Variants in ARL15 observed in about 807,000 individuals in gnomAD.
The protein encoded by ARL15 is ADP-ribosylation factor-like protein 15.
Under a neutral mutation model 25.2 loss-of-function variants are expected in ARL15, and 19 were observed. The observed-to-expected ratio is 0.75, with a 90% CI of 0.53 to 1.10. The LOEUF (loss-of-function observed/expected upper bound fraction) is 1.10. Among genes scored for constraint, ARL15 ranks in the 50% least tolerant of loss-of-function variants. ARL15 has a pLI of 0.00. For missense variants in ARL15, 220 were observed against 246.0 expected, an observed-to-expected ratio of 0.89 and a Z score of 0.71; for synonymous variants, 94 against 86.8, an observed-to-expected ratio of 1.08 and a Z score of -0.46.
Position 53,918,762 on chromosome 5 carries a change from GTC to G in ARL15, c.463-32051_463-32050del, listed in dbSNP as rs147517455. Reference sequence around the variant, plus strand: ...GACAGTTAGCAAATGAAATAAAAGAGTCTGAGTATCTGGAAGCAAAAGAGAGG... The same window carrying G: ...GACAGTTAGCAAATGAAATAAAAGAGTGAGTATCTGGAAGCAAAAGAGAGG... On this transcript the variant is annotated intron_variant, in intron 4 of 4. Coordinates refer to ENST00000504924, the MANE Select transcript of ARL15 (RefSeq NM_019087.3). Among the ~76,000 whole-genome samples the G allele has an allele frequency of 7.9e-3, 1,200 of 151,944 alleles. 21 individuals are homozygous for G. Among genetic ancestry groups the G allele is most frequent in the African/African-American group, 0.028 (1,167 of 41,416 alleles).
At chr5:53,888,630 C>T (rs1744620288) in intron 4 of ARL15, among the ~76,000 whole-genome samples, 1 of 152,160 alleles carries the variant, frequency 6.6e-6, no homozygotes, top group Admixed American at 6.5e-5. Context: ...ATTCTTTTAG[C>T]TTGTTTTCTT....
rs1412745342 is a variant in ARL15, at chr5:54,081,589, C to T, written c.462+31613G>A. 2.6e-5 allele frequency among the ~76,000 whole-genome samples: 4 copies of T among 152,024 alleles called. No homozygotes were observed. The East Asian group carries it at 7.7e-4, about 29-fold the overall frequency. Reference sequence around the variant, plus strand: ...CATGCTCTTCTGGTAATAGTGAGTTCCCATGAGATCTGATGGTATTATAAA... The same window carrying T: ...CATGCTCTTCTGGTAATAGTGAGTTTCCATGAGATCTGATGGTATTATAAA... On this transcript the variant is annotated intron_variant, in intron 4 of 4. Transcript: ENST00000504924.
chr5:53,977,357 A>G (rs1747972002), intron 4 of ARL15, among the ~76,000 whole-genome samples: 3 of 140,506 alleles, frequency 2.1e-5, no homozygotes, highest in Admixed American at 2.1e-4. Context: ...TCCGCCTCAA[A>G]AAAAAAAAAA....
At chr5:54,255,337 C>T (rs532366621) in intron 1 of ARL15, among the ~76,000 whole-genome samples, 14 of 151,794 alleles carry the variant, frequency 9.2e-5, no homozygotes, top group African/African-American at 3.1e-4. Context: ...AAATAAAAAA[C>T]AAAGGAGAAT....
At chr5:53,946,736 A>C (rs1363167275) in intron 4 of ARL15, among the ~76,000 whole-genome samples, 1 of 152,178 alleles carries the variant, frequency 6.6e-6, no homozygotes, top group South Asian at 2.1e-4. Flanking sequence ...AAATGGATCT[A>C]AGCTAGCATT....
At chr5:54,177,700 T>C (rs1208680736) in intron 1 of ARL15, among the ~76,000 whole-genome samples, 1 of 152,204 alleles carries the variant, frequency 6.6e-6, no homozygotes, top group Non-Finnish European at 1.5e-5. Context: ...CATTTTCCTC[T>C]ATATTTCTAC....
intron 1 of ARL15, among the ~76,000 whole-genome samples, chr5:54,238,110 C>T (rs1437849931): frequency 6.6e-6 from 1 of 152,118 alleles, no homozygotes; most frequent in African/African-American, 2.4e-5. Flanking sequence ...CACTAACTCC[C>T]CAACATCCTT....
At chr5:54,220,242 C>T (rs1037160302) in intron 1 of ARL15, among the ~76,000 whole-genome samples, 3 of 152,098 alleles carry the variant, frequency 2.0e-5, no homozygotes, top group Admixed American at 6.6e-5. Flanking sequence ...AAATACTTTA[C>T]CATAAAGATC....
intron 1 of ARL15, among the ~76,000 whole-genome samples, chr5:54,192,469 CT>C: frequency 6.6e-6 from 1 of 151,850 alleles, no homozygotes; most frequent in Admixed American, 6.6e-5. Flanking sequence ...ATTTCCTAAC[CT>C]TTTATCATTG....
intron 1 of ARL15, among the ~76,000 whole-genome samples, chr5:54,272,205 G>T (rs1757805209): frequency 7.4e-6 from 1 of 134,432 alleles, no homozygotes; most frequent in South Asian, 2.3e-4. Flanking sequence ...CTCCTGCCTT[G>T]GCTTCCCAAA....
chr5:53,893,345 G>A (rs1386919281), intron 4 of ARL15, among the ~76,000 whole-genome samples: 1 of 147,564 alleles, frequency 6.8e-6, no homozygotes, highest in Non-Finnish European at 1.5e-5. Flanking sequence ...GGTGGCTCAC[G>A]CCTGTAATCC....
chr5:54,064,214 G>C (rs1238025225), intron 4 of ARL15, among the ~76,000 whole-genome samples: 1 of 151,200 alleles, frequency 6.6e-6, no homozygotes, highest in Non-Finnish European at 1.5e-5. Flanking sequence ...AGTAAAAAAA[G>C]AGTCACGAGT....
At chr5:53,897,529 C>A (rs987137472) in intron 4 of ARL15, among the ~76,000 whole-genome samples, 1 of 152,128 alleles carries the variant, frequency 6.6e-6, no homozygotes, top group African/African-American at 2.4e-5. Flanking sequence ...AATAATGCTG[C>A]TTTTTATGAG....
At chr5:54,108,600 T>C (rs947625163) in intron 4 of ARL15, among the ~76,000 whole-genome samples, 8 of 152,078 alleles carry the variant, frequency 5.3e-5, no homozygotes, top group Non-Finnish European at 1.0e-4. Context: ...ATTTGTCACA[T>C]GAAGTCAGAG....
intron 3 of ARL15, among the ~76,000 whole-genome samples, chr5:54,131,314 G>A (rs1753427517): frequency 6.6e-6 from 1 of 152,088 alleles, no homozygotes; most frequent in Admixed American, 6.5e-5. Flanking sequence ...GTTTACACTG[G>A]TCAAAATGAA....
At chr5:54,177,946 C>T (rs563327102) in intron 1 of ARL15, among the ~76,000 whole-genome samples, 2 of 152,320 alleles carry the variant, frequency 1.3e-5, no homozygotes, top group Non-Finnish European at 2.9e-5. Context: ...CAGACTAGCA[C>T]TACAGTTAAT....
intron 2 of ARL15, among the ~76,000 whole-genome samples, chr5:54,157,775 A>G (rs1186266085): frequency 2.0e-5 from 3 of 152,164 alleles, no homozygotes; most frequent in Non-Finnish European, 4.4e-5. Context: ...GTTTTCTCCA[A>G]ATAGAACTTG....
chr5:53,922,884 T>C (rs552098127), intron 4 of ARL15, among the ~76,000 whole-genome samples: 1 of 152,268 alleles, frequency 6.6e-6, no homozygotes, highest in South Asian at 2.1e-4. Flanking sequence ...TTCACTTTCC[T>C]TTATGAGCAT....
At chr5:54,268,309 C>A (rs1757682226) in intron 1 of ARL15, among the ~76,000 whole-genome samples, 1 of 152,162 alleles carries the variant, frequency 6.6e-6, no homozygotes. Context: ...CCTTGGCTTT[C>A]AGCTCCATCA....
Sources: gnomAD v4.1 joint callset for allele counts (sites outside exome capture counted in the v4.1 genomes callset) on GRCh38, gnomAD v4.1.1 for gene constraint, MANE v1.5 for transcripts, NCBI Gene and HGNC (gene_info 2026-07-23, HGNC 2026-07-21) for gene names.